SV2C: variants seen among roughly 807,000 people sequenced by gnomAD.
SV2C encodes the protein solute carrier family 22 member B3.
SV2C carries 49 observed loss-of-function variants against 79.7 expected under a neutral mutation model. The ratio of observed to expected loss-of-function variants is 0.61; its 90% CI spans 0.49 to 0.78. SV2C has a LOEUF of 0.78. Ranked by LOEUF, SV2C falls within the 30% of genes least tolerant of loss-of-function variation. SV2C has a pLI of 0.00. For missense variants in SV2C, 833 were observed against 912.9 expected (o/e 0.91, Z 1.13); for synonymous variants, 334 against 333.2 (o/e 1.00, Z -0.03).
chr5:76,010,100 C>T, the SV2C span, among the ~76,000 whole-genome samples: 1 of 148,346 alleles, frequency 6.7e-6, no homozygotes, highest in Non-Finnish European at 1.5e-5. Context: ...CCAGCACCTA[C>T]AATAGCACCT....
chr5:75,878,947 A>G, the SV2C span, among the ~76,000 whole-genome samples: 1 of 152,178 alleles, frequency 6.6e-6, no homozygotes. Flanking sequence ...GCTTACAATC[A>G]CGGCAGAAGG....
At chr5:76,215,311 G>T (rs1744881775) in intron 4 of SV2C, among the ~76,000 whole-genome samples, 1 of 152,092 alleles carries the variant, frequency 6.6e-6, no homozygotes, top group Non-Finnish European at 1.5e-5. Flanking sequence ...TATGTATTGG[G>T]TGGGAGTGGG....
the SV2C span, among the ~76,000 whole-genome samples, chr5:76,048,967 G>GA: frequency 1.8e-5 from 1 of 54,286 alleles, no homozygotes; most frequent in Non-Finnish European, 3.6e-5. Flanking sequence ...AAGAAAAAGA[G>GA]AAAGAAAGAA....
intron 1 of SV2C, among the ~76,000 whole-genome samples, chr5:76,119,447 G>C (rs776818615): frequency 8.5e-5 from 13 of 152,116 alleles, no homozygotes; most frequent in Non-Finnish European, 4.4e-5. Context: ...CACATTCCAA[G>C]TTATGACCAG....
At chr5:75,875,147 A>G in the SV2C span, among the ~76,000 whole-genome samples, 1 of 152,234 alleles carries the variant, frequency 6.6e-6, no homozygotes, top group African/African-American at 2.4e-5. Flanking sequence ...AAAAGAACAT[A>G]GCTGGAGCCA....
In SV2C at chr5:76,306,382, T is replaced by C. The variant is rs569853120; in HGVS notation, c.2000+4837T>C. 2.0e-5 allele frequency among the ~76,000 whole-genome samples: 3 copies of C among 152,272 alleles called. No individual in the cohort carries two copies. The South Asian group carries it at 6.2e-4, about 32-fold the overall frequency. Reference sequence around the variant, plus strand: ...CAAAAGATACTCTTATCCAAGGGTTTTAGGAGCTCAATGCCGGGAACTGGG... The same window carrying C: ...CAAAAGATACTCTTATCCAAGGGTTCTAGGAGCTCAATGCCGGGAACTGGG... On this transcript the variant is annotated intron_variant, in intron 12 of 12. Transcript: ENST00000502798.
chr5:76,315,145 G>A (rs1748575221), intron 12 of SV2C, among the ~76,000 whole-genome samples: 1 of 151,716 alleles, frequency 6.6e-6, no homozygotes, highest in Admixed American at 6.6e-5. Flanking sequence ...GCTCGAAGGG[G>A]TGCAGGGTGC....
At chr5:76,103,532 C>G (rs1052084557) in intron 1 of SV2C, among the ~76,000 whole-genome samples, 2 of 152,170 alleles carry the variant, frequency 1.3e-5, no homozygotes, top group African/African-American at 4.8e-5. Flanking sequence ...TCTGGCCAAC[C>G]TAGATGGGTT....
intron 12 of SV2C, among the ~76,000 whole-genome samples, chr5:76,342,201 T>C (rs1561326874): frequency 6.6e-6 from 1 of 152,106 alleles, no homozygotes; most frequent in Non-Finnish European, 1.5e-5. Flanking sequence ...GAGTACACAG[T>C]ACAGAGCCTG....
the SV2C span, among the ~76,000 whole-genome samples, chr5:75,869,338 G>T: frequency 6.6e-6 from 1 of 152,186 alleles, no homozygotes; most frequent in African/African-American, 2.4e-5. Context: ...GAGCCCTTGG[G>T]CATTAAGGGA....
the SV2C span, among the ~76,000 whole-genome samples, chr5:75,997,810 A>G: frequency 2.0e-5 from 3 of 152,192 alleles, no homozygotes; most frequent in East Asian, 3.9e-4. Flanking sequence ...AGAACTAGAA[A>G]TACCATTTGA....
At chr5:75,913,867 C>A in the SV2C span, among the ~76,000 whole-genome samples, 3 of 152,156 alleles carry the variant, frequency 2.0e-5, no homozygotes, top group East Asian at 5.8e-4. Flanking sequence ...TATATTTCAG[C>A]CTTTGTATGG....
intron 3 of SV2C, among the ~76,000 whole-genome samples, chr5:76,196,789 T>C (rs915398537): frequency 6.6e-5 from 10 of 152,352 alleles, no homozygotes; most frequent in African/African-American, 2.4e-4. Context: ...CAAAAGTACA[T>C]GACTGTGGTC....
intron 2 of SV2C, among the ~76,000 whole-genome samples, chr5:76,158,057 T>G (rs1313230886): frequency 6.6e-6 from 1 of 151,676 alleles, no homozygotes; most frequent in Non-Finnish European, 1.5e-5. Flanking sequence ...AAAAAAATCC[T>G]TAAAGAAATT....
the SV2C span, among the ~76,000 whole-genome samples, chr5:75,945,063 T>C: frequency 6.6e-6 from 1 of 151,964 alleles, no homozygotes; most frequent in Non-Finnish European, 1.5e-5. Flanking sequence ...ATGCCCCAGA[T>C]GTTGGAATGA....
intron 4 of SV2C, among the ~76,000 whole-genome samples, chr5:76,222,753 TG>T (rs1317964152): frequency 1.3e-5 from 2 of 152,110 alleles, no homozygotes; most frequent in Non-Finnish European, 2.9e-5. Flanking sequence ...AGAAAACAAA[TG>T]AGTAATACCT....
chr5:75,967,790 A>T, the SV2C span, among the ~76,000 whole-genome samples: 1 of 152,238 alleles, frequency 6.6e-6, no homozygotes, highest in South Asian at 2.1e-4. Flanking sequence ...CTGCAGACTT[A>T]AATGTCCCTG....
At chr5:75,903,117 A>C in the SV2C span, among the ~76,000 whole-genome samples, 1 of 152,216 alleles carries the variant, frequency 6.6e-6, no homozygotes, top group Non-Finnish European at 1.5e-5. Flanking sequence ...CTATTAAGGA[A>C]GAGAACTAGG....
chr5:75,955,866 G>A, the SV2C span, among the ~76,000 whole-genome samples: 3 of 152,080 alleles, frequency 2.0e-5, no homozygotes, highest in Non-Finnish European at 1.5e-5. Flanking sequence ...ATACCAGTTA[G>A]AATGGCAATC....
Sources: gnomAD v4.1 joint callset for allele counts (sites outside exome capture counted in the v4.1 genomes callset) on GRCh38, gnomAD v4.1.1 for gene constraint, MANE v1.5 for transcripts, NCBI Gene and HGNC (gene_info 2026-07-23, HGNC 2026-07-21) for gene names.